PPP2R5C: variants seen among roughly 807,000 people sequenced by gnomAD.
The protein encoded by PPP2R5C is serine/threonine-protein phosphatase 2A 56 kDa regulatory subunit gamma isoform.
PPP2R5C carries 7 observed loss-of-function variants against 68.9 expected under a neutral mutation model. The ratio of observed to expected loss-of-function variants is 0.10; its 90% confidence interval spans 0.06 to 0.19. The LOEUF (loss-of-function observed/expected upper bound fraction) is 0.19. PPP2R5C is among the 10% of genes least tolerant of loss of function. The probability of loss-of-function intolerance (pLI) is 1.00; values close to 1 mark genes in which losing one functional copy is unlikely to be tolerated. For missense variants in PPP2R5C, 348 were observed against 641.3 expected (o/e 0.54, Z 4.94); for synonymous variants, 210 against 222.2 (o/e 0.95, Z 0.49).
chr14:101,836,279 C>T (rs988420657), intron 1 of PPP2R5C: 10 of 702,718 alleles, frequency 1.4e-5, no homozygotes, highest in Non-Finnish European at 2.3e-5. Flanking sequence ...TGGAGAACCC[C>T]GCGGCCCCCA....
chr14:101,763,109 C>A (rs2036642691), intron 2 of PPP2R5C, 139 bp downstream of exon 2: 2 of 664,862 alleles, frequency 3.0e-6, no homozygotes, highest in African/African-American at 1.8e-5. Context: ...CTTTTATAAC[C>A]CTCAATTTTA....
At chr14:101,926,490 G>A (rs562407010) in exon 14 of PPP2R5C, 1 of 152,786 alleles carries the variant, frequency 6.5e-6, no homozygotes, top group East Asian at 1.9e-4. Context: ...ATAGCACAAG[G>A]AGAAAAATCT....
chr14:101,876,738 G>A (rs566558647), intron 2 of PPP2R5C, among the ~76,000 whole-genome samples: 3 of 152,176 alleles, frequency 2.0e-5, no homozygotes, highest in Non-Finnish European at 4.4e-5. Flanking sequence ...ATGGGGCCGT[G>A]TGAATCACAT....
At chr14:101,863,723 C>G (rs2042895543) in intron 2 of PPP2R5C, among the ~76,000 whole-genome samples, 1 of 152,052 alleles carries the variant, frequency 6.6e-6, no homozygotes, top group Non-Finnish European at 1.5e-5. Flanking sequence ...ATGGTGAAAC[C>G]CCACCTCTAC....
chr14:101,786,057 T>A (rs1380759105), exon 3 of PPP2R5C: 3 of 1,545,574 alleles, frequency 1.9e-6, no homozygotes, highest in Non-Finnish European at 1.7e-6. Flanking sequence ...TGCTGTCCCG[T>A]CTACAGTATC....
rs144851122 is a variant in PPP2R5C at position 101,784,952 on chromosome 14, G to C, written c.94-1066G>C. 1.4e-3 allele frequency among the ~76,000 whole-genome samples: 217 copies of C among 152,266 alleles called. 1 individual carries two copies. Among genetic ancestry groups the C allele is most frequent in the Middle Eastern group, 0.014 (4 of 294 alleles). ...CGGGCCCCCTTGGTGAGCTCCTTTG[G>C]CCTCTGTGGATGACAGGGGACCCCT... On this transcript the variant is annotated intron_variant, in intron 2 of 14. Coordinates refer to the PPP2R5C transcript ENST00000328724.
intron 13 of PPP2R5C, among the ~76,000 whole-genome samples, chr14:101,923,250 G>A (rs984089999): frequency 1.1e-4 from 17 of 152,146 alleles, no homozygotes; most frequent in East Asian, 1.9e-4. Flanking sequence ...TATATCCACC[G>A]GTTTTCTGTC....
At chr14:101,788,637 A>G (rs1370889257) in intron 3 of PPP2R5C, among the ~76,000 whole-genome samples, 1 of 152,192 alleles carries the variant, frequency 6.6e-6, no homozygotes, top group Non-Finnish European at 1.5e-5. Flanking sequence ...TAAATTCTCC[A>G]TAGTAAATCC....
intron 1 of PPP2R5C, among the ~76,000 whole-genome samples, chr14:101,810,494 A>C (rs1035058108): frequency 6.6e-6 from 1 of 152,252 alleles, no homozygotes; most frequent in African/African-American, 2.4e-5. Context: ...TTGCAGTCAG[A>C]AAATATGCAC....
intron 1 of PPP2R5C, among the ~76,000 whole-genome samples, chr14:101,816,148 T>C (rs567985119): frequency 6.6e-5 from 10 of 152,326 alleles, no homozygotes; most frequent in African/African-American, 2.4e-4. Context: ...TATACCCAAG[T>C]GCAAGAGTAA....
chr14:101,873,071 A>G (rs1323101443), intron 2 of PPP2R5C, among the ~76,000 whole-genome samples: 3 of 152,118 alleles, frequency 2.0e-5, no homozygotes, highest in African/African-American at 7.2e-5. Context: ...GAGCAAATTT[A>G]CTTAAGCAAT....
intron 3 of PPP2R5C, among the ~76,000 whole-genome samples, chr14:101,794,076 A>C (rs115876246): frequency 6.6e-6 from 1 of 152,190 alleles, no homozygotes; most frequent in Non-Finnish European, 1.5e-5. Flanking sequence ...GGAAAAGGCA[A>C]CATTCGAGTG....
rs114646151 is a variant in PPP2R5C at position 101,829,258 on chromosome 14, A to G, written c.94+19222A>G. Among the ~76,000 whole-genome samples the G allele has an allele frequency of 9.9e-3, 1,511 of 152,288 alleles. 30 individuals are homozygous for G. Among genetic ancestry groups the G allele is most frequent in the African/African-American group, 0.034 (1,424 of 41,546 alleles). ...AGAGAAAGGAAAGGAAGAGAAAAGAAAAAGCATCCTGTATTATGTGTAAGT... is the reference window on the plus strand; with the variant it reads ...AGAGAAAGGAAAGGAAGAGAAAAGAGAAAGCATCCTGTATTATGTGTAAGT... On this transcript the variant is annotated intron_variant, in intron 1 of 13. Coordinates refer to ENST00000334743, the Ensembl canonical transcript of PPP2R5C.
chr14:101,911,261 G>A (rs1199016404), intron 11 of PPP2R5C, among the ~76,000 whole-genome samples: 8 of 152,240 alleles, frequency 5.3e-5, no homozygotes, highest in Middle Eastern at 3.4e-3. Context: ...GCGACAGAGC[G>A]AGACTCCGTC....
At chr14:101,894,524 G>A (rs1415055685) in exon 8 of PPP2R5C, 1 of 1,614,018 alleles carries the variant, frequency 6.2e-7, no homozygotes, top group Non-Finnish European at 8.5e-7. Context: ...ACTGTGTAGT[G>A]CAGTTTTTAG....
chr14:101,826,041 C>T (rs926597243), intron 1 of PPP2R5C, among the ~76,000 whole-genome samples: 8 of 152,270 alleles, frequency 5.3e-5, no homozygotes, highest in South Asian at 2.1e-4. Flanking sequence ...TTATGTACTC[C>T]GAGAACCAAG....
chr14:101,854,863 C>T (rs1288852267), intron 1 of PPP2R5C, among the ~76,000 whole-genome samples: 1 of 152,144 alleles, frequency 6.6e-6, no homozygotes, highest in Non-Finnish European at 1.5e-5. Context: ...AGAAATAACA[C>T]ATTTTTAAAT....
In PPP2R5C at chr14:101,762,868, G is replaced by A. The variant is rs76793283; in HGVS notation, c.28-37G>A. On this transcript the variant is annotated intron_variant, in intron 1 of 14. Coordinates refer to the PPP2R5C transcript ENST00000328724. ...TATCTGATGTTTACCTGTCTAAAAA[G>A]TGAGAAGACTAATTGACTTTGCTTG... 3.2e-4 allele frequency: 486 copies of A among 1,542,324 alleles called. 6 individuals are homozygous for A. The East Asian group carries it at 0.011, about 36-fold the overall frequency.
At chr14:101,878,325 G>A (rs1184353711) in intron 2 of PPP2R5C, among the ~76,000 whole-genome samples, 1 of 152,244 alleles carries the variant, frequency 6.6e-6, no homozygotes, top group Non-Finnish European at 1.5e-5. Flanking sequence ...ACTGAAAAGA[G>A]GACATTGTGT....
Sources: allele counts gnomAD v4.1 joint callset (sites outside exome capture counted in the v4.1 genomes callset), GRCh38; gene constraint gnomAD v4.1.1; transcripts MANE v1.5; gene names NCBI Gene and HGNC (gene_info 2026-07-23, HGNC 2026-07-21).